The following SPATS2L variants were observed in gnomAD, a reference collection of about 807,000 sequenced individuals.
The protein encoded by SPATS2L is spermatogenesis associated serine rich 2 like, also known as SPATS2-like protein.
A neutral mutation model predicts 59.6 loss-of-function variants in SPATS2L; 30 were observed. The observed-to-expected ratio is 0.50, with a 90% CI of 0.38 to 0.68. The LOEUF (loss-of-function observed/expected upper bound fraction) is 0.68. Ranked by LOEUF, SPATS2L falls within the 30% of genes least tolerant of loss-of-function variation. The probability of loss-of-function intolerance (pLI) is 0.00; values close to 1 mark genes in which losing one functional copy is unlikely to be tolerated. For missense variants in SPATS2L, 615 were observed against 700.0 expected, an observed-to-expected ratio of 0.88 and a Z score of 1.37; for synonymous variants, 252 against 263.5, an observed-to-expected ratio of 0.96 and a Z score of 0.42.
At chr2:200,410,290 A>G (rs1367455721) in intron 3 of SPATS2L, among the ~76,000 whole-genome samples, 2 of 152,184 alleles carry the variant, frequency 1.3e-5, no homozygotes, top group African/African-American at 4.8e-5. Flanking sequence ...ACAATGAGGC[A>G]AATAATGTGT....
chr2:200,310,532 T>A (rs1338861671), intron 1 of SPATS2L, among the ~76,000 whole-genome samples: 2 of 152,222 alleles, frequency 1.3e-5, no homozygotes, highest in Non-Finnish European at 2.9e-5. Context: ...TTCCACCGTA[T>A]CAACCTTCCT....
chr2:200,344,855 G>A (rs1377871929), intron 2 of SPATS2L, among the ~76,000 whole-genome samples: 2 of 151,972 alleles, frequency 1.3e-5, no homozygotes, highest in East Asian at 1.9e-4. Flanking sequence ...CTTTTTGTGG[G>A]CATGTATGTC....
chr2:200,354,891 T>A (rs771874697), intron 2 of SPATS2L, among the ~76,000 whole-genome samples: 5 of 152,172 alleles, frequency 3.3e-5, no homozygotes, highest in Admixed American at 2.6e-4. Context: ...ACAAACCAGA[T>A]TTTAACAACA....
intron 8 of SPATS2L, among the ~76,000 whole-genome samples, chr2:200,446,683 G>A (rs2085070576): frequency 6.6e-6 from 1 of 152,084 alleles, no homozygotes; most frequent in Non-Finnish European, 1.5e-5. Flanking sequence ...GGTTCTGCTG[G>A]AGCACCTTGA....
chr2:200,450,339 T>C (rs1026373309), intron 8 of SPATS2L, among the ~76,000 whole-genome samples: 2 of 152,192 alleles, frequency 1.3e-5, no homozygotes, highest in Admixed American at 1.3e-4. Flanking sequence ...AGTTATCCCT[T>C]CCAACTTTCT....
At chr2:200,425,760 C>T (rs1032238181) in intron 6 of SPATS2L, among the ~76,000 whole-genome samples, 4 of 152,090 alleles carry the variant, frequency 2.6e-5, no homozygotes, top group Admixed American at 6.5e-5. Context: ...GGGGAGTTTA[C>T]GTTCTTTGGG....
At chr2:200,366,391 G>GA (rs1056875662) in intron 2 of SPATS2L, among the ~76,000 whole-genome samples, 1 of 152,096 alleles carries the variant, frequency 6.6e-6, no homozygotes, top group Non-Finnish European at 1.5e-5. Flanking sequence ...TTGAGCCTGA[G>GA]AAAATAACAA....
At position 200,422,307 on chromosome 2, in the gene SPATS2L, C is replaced by T. The variant is rs888680634; in HGVS notation, c.445+2811C>T. On this transcript the variant is annotated intron_variant, in intron 6 of 12. Transcript: ENST00000409140. ...ATCCCAGCGCTTTGGGAGGCTGAGGCGGGAGGATTGTTTGAGCCCAGCAGT... is the reference window on the plus strand; with the variant it reads ...ATCCCAGCGCTTTGGGAGGCTGAGGTGGGAGGATTGTTTGAGCCCAGCAGT... 3.9e-5 allele frequency among the ~76,000 whole-genome samples: 6 copies of T among 152,028 alleles called. No homozygotes were observed. In the East Asian group the frequency reaches 7.7e-4, roughly 20 times the overall value.
At chr2:200,306,666 T>A (rs2079022060), upstream of SPATS2L, 4 of 984,156 alleles carry the variant, frequency 4.1e-6, no homozygotes, top group South Asian at 1.4e-4. Context: ...GGGGCGGGAG[T>A]GTCCCTGCGT....
In SPATS2L at chr2:200,372,249, A is replaced by G. The variant is rs2081450512; in HGVS notation, c.-22-16974A>G. 8 of 948,824 alleles carry G rather than the reference A, an allele frequency of 8.4e-6. 1 individual carries two copies. The Middle Eastern group carries it at 1.6e-3, about 190-fold the overall frequency. The allele number at this position is 948,824 out of a possible 1,614,324, so 58.8% of individuals were successfully genotyped here. On this transcript the variant is annotated intron_variant, in intron 2 of 12. Transcript: ENST00000409140. ...AGGCAGAGGTCCCCCATCTTCCCGA[A>G]CTGTAAGTGAATTCCCTCTCCATTA... is the stretch of plus-strand genomic sequence containing the variant.
intron 3 of SPATS2L, among the ~76,000 whole-genome samples, chr2:200,396,916 A>C (rs2082373275): frequency 1.3e-5 from 2 of 152,182 alleles, no homozygotes. Context: ...CAGAAAGGAG[A>C]AACATTGACA....
At chr2:200,468,007 A>C (rs896527398) in intron 10 of SPATS2L, among the ~76,000 whole-genome samples, 1 of 152,136 alleles carries the variant, frequency 6.6e-6, no homozygotes, top group Non-Finnish European at 1.5e-5. Context: ...CTGAAGGCTC[A>C]GCTCAACAAT....
At chr2:200,360,794 A>G (rs1454511963) in intron 2 of SPATS2L, among the ~76,000 whole-genome samples, 1 of 152,106 alleles carries the variant, frequency 6.6e-6, no homozygotes, top group Non-Finnish European at 1.5e-5. Flanking sequence ...TTTTTTTACC[A>G]AAAAGACTAG....
intron 1 of SPATS2L, among the ~76,000 whole-genome samples, chr2:200,310,034 C>G (rs966030772): frequency 4.0e-5 from 6 of 151,892 alleles, no homozygotes; most frequent in African/African-American, 1.5e-4. Context: ...TTTTTATTTT[C>G]TGATAAAAAA....
intron 2 of SPATS2L, among the ~76,000 whole-genome samples, chr2:200,385,969 GGCGTGA>G (rs1403154342): frequency 6.6e-6 from 1 of 152,216 alleles, no homozygotes; most frequent in Non-Finnish European, 1.5e-5. Context: ...CTGGACCACA[GGCGTGA>G]GCCACCGCAC....
At chr2:200,474,126 A>T (rs1389147987) in intron 12 of SPATS2L, among the ~76,000 whole-genome samples, 1 of 147,092 alleles carries the variant, frequency 6.8e-6, no homozygotes, top group African/African-American at 2.6e-5. Flanking sequence ...GTAAGACTTT[A>T]AAAATGGTGG....
chr2:200,340,783 TGTATA>T (rs994282601), intron 2 of SPATS2L, among the ~76,000 whole-genome samples: 4 of 152,242 alleles, frequency 2.6e-5, no homozygotes, highest in African/African-American at 9.6e-5. Context: ...ACTTAAATCA[TGTATA>T]GTATTTTTCT....
chr2:200,452,398 T>C (rs926740141), intron 8 of SPATS2L, among the ~76,000 whole-genome samples: 2 of 152,348 alleles, frequency 1.3e-5, no homozygotes, highest in African/African-American at 4.8e-5. Context: ...ATTTTTTAAT[T>C]AATTATGTCC....
At chr2:200,373,732 A>AT (rs1245671074) in intron 2 of SPATS2L, among the ~76,000 whole-genome samples, 1 of 152,166 alleles carries the variant, frequency 6.6e-6, no homozygotes, top group Non-Finnish European at 1.5e-5. Flanking sequence ...ATATAATTTT[A>AT]TTTTTTTGGA....
Sources: gnomAD v4.1 joint callset for allele counts (sites outside exome capture counted in the v4.1 genomes callset) on GRCh38, gnomAD v4.1.1 for gene constraint, MANE v1.5 for transcripts, NCBI Gene and HGNC (gene_info 2026-07-23, HGNC 2026-07-21) for gene names.